Variants in C11orf21 observed in about 807,000 individuals in gnomAD.
C11orf21 encodes chromosome 11 open reading frame 21, also known as uncharacterized protein C11orf21.
C11orf21 carries 19 observed loss-of-function variants against 15.2 expected under a neutral mutation model. The observed-to-expected ratio is 1.25, with a 90% CI of 0.87 to 1.84. The LOEUF (loss-of-function observed/expected upper bound fraction) is 1.84, where lower values mean the gene tolerates loss of function less well. Among genes scored for constraint, C11orf21 ranks in the 40% most tolerant of loss-of-function variants. C11orf21 has a pLI of 0.00. For missense variants in C11orf21, 171 were observed against 174.4 expected (o/e 0.98, Z 0.11); for synonymous variants, 62 against 66.8 (o/e 0.93, Z 0.35).
At chr11:2,303,086 G>A (rs569108266), upstream of C11orf21, 4 of 787,442 alleles carry the variant, frequency 5.1e-6, no homozygotes, top group African/African-American at 3.5e-5. Flanking sequence ...AGGTGGTCAG[G>A]GGCAGGGAGG....
intron 1 of C11orf21, 181 bp from the exon 2 acceptor site, chr11:2,300,794 G>A: frequency 6.5e-7 from 1 of 1,549,314 alleles, no homozygotes; most frequent in Non-Finnish European, 8.7e-7. Flanking sequence ...ACATAGCCAA[G>A]AGCAGCTCAT....
Position 2,297,150 on chromosome 11 carries a change from C to T in C11orf21, c.*800G>A, listed in dbSNP as rs549766187. ...GTAGGACACACAGCTCCCGAGACCCCTCACTGGGGACACAGGGGGGCCCTG... is the reference window on the plus strand; with the variant it reads ...GTAGGACACACAGCTCCCGAGACCCTTCACTGGGGACACAGGGGGGCCCTG... On this transcript the variant is annotated 3_prime_UTR_variant, in exon 4 of 4. Coordinates refer to ENST00000381153, the MANE Select transcript of C11orf21 (RefSeq NM_001329958.2). 1 of 152,498 alleles carries T rather than the reference C, an allele frequency of 6.6e-6. No individual in the cohort carries two copies. The highest frequency in any genetic ancestry group is 1.9e-4 in the East Asian group (1 of 5,190). 9.4% of individuals were successfully genotyped at this position (152,498 alleles called of 1,614,324 possible).
upstream of C11orf21, chr11:2,302,194 G>A (rs770167215): frequency 7.1e-7 from 1 of 1,412,394 alleles, no homozygotes; most frequent in Non-Finnish European, 9.3e-7. Context: ...GCCAGATGCT[G>A]GTCACCTGCT....
At chr11:2,300,712 G>A (rs764613658) in intron 1 of C11orf21, 99 bp from the exon 2 acceptor site, 1 of 1,550,898 alleles carries the variant, frequency 6.4e-7, no homozygotes, top group Non-Finnish European at 8.7e-7. Flanking sequence ...AGAAGCGGGT[G>A]GTGCTCCAGG....
chr11:2,296,188 G>C lies in C11orf21; in HGVS notation c.*1762C>G, dbSNP rs1282796558. 2 of 152,232 alleles carry C rather than the reference G, an allele frequency of 1.3e-5. No homozygotes were observed. The highest frequency in any genetic ancestry group is 1.3e-4 in the Admixed American group (2 of 15,276). 9.4% of individuals were successfully genotyped at this position (152,232 alleles called of 1,614,324 possible). ...CCTTTGCAGTCCCTCCAGGGCTGCAGGTTGCTTTTGACTGACAATTTTCCT... is the reference window on the plus strand; with the variant it reads ...CCTTTGCAGTCCCTCCAGGGCTGCACGTTGCTTTTGACTGACAATTTTCCT... On this transcript the variant is annotated 3_prime_UTR_variant, in exon 4 of 4. Transcript: ENST00000381153. This position sits in a 1 kb window ranked among gnomAD's most constrained non-coding sequence, Gnocchi z 5.6.
At position 2,300,566 on chromosome 11, in the gene C11orf21, G is replaced by T. The variant is rs1847691354; in HGVS notation, c.101C>A (p.Pro34His). ...GGGGGTTCCCGTCCACCTGTCAGGG[G>T]GTTCGACGCCACTTTGAGATGACAA... ...PHLSSQSGVEPPDRWTGTPGW... is the reference protein window; with the variant it reads ...PHLSSQSGVEHPDRWTGTPGW... Residue 34 changes from proline (P) to histidine (H), a missense_variant, in exon 2 of 4, where the codon CCC becomes CAC. Coordinates refer to ENST00000381153, the MANE Select transcript of C11orf21 (RefSeq NM_001329958.2). 1 of 1,549,936 alleles carries T rather than the reference G, an allele frequency of 6.5e-7. No homozygotes were observed. Among genetic ancestry groups the T allele is most frequent in the Non-Finnish European group, 8.7e-7 (1 of 1,146,662 alleles).
At chr11:2,299,858 A>G (rs1218452276) in intron 2 of C11orf21, among the ~76,000 whole-genome samples, 151 bp from the exon 3 acceptor site, 1 of 122,340 alleles carries the variant, frequency 8.2e-6, no homozygotes, top group East Asian at 2.4e-4. Flanking sequence ...CTGCACACGC[A>G]TCCATGCCTG....
chr11:2,302,617 T>C (rs1847821116), upstream of C11orf21: 3 of 575,318 alleles, frequency 5.2e-6, no homozygotes, highest in Non-Finnish European at 9.3e-6. Context: ...GAAGCTGGGC[T>C]GTGCGTGTAT....
intron 1 of C11orf21, 94 bp from the exon 2 acceptor site, chr11:2,300,707 C>T (rs746711366): frequency 1.3e-4 from 195 of 1,550,726 alleles, no homozygotes; most frequent in Non-Finnish European, 1.5e-4. Flanking sequence ...GTCCCAGAAG[C>T]GGGTGGTGCT....
intron 3 of C11orf21, among the ~76,000 whole-genome samples, chr11:2,298,259 G>C (rs1028577817): frequency 6.6e-6 from 1 of 152,252 alleles, no homozygotes; most frequent in Non-Finnish European, 1.5e-5. Context: ...GCCTGGCAAT[G>C]GGCCTGGGCC....
At chr11:2,298,073 C>G (rs4929975) in intron 3 of C11orf21, among the ~76,000 whole-genome samples, 152 bp from the exon 4 acceptor site, 26,756 of 152,140 alleles carry the variant, frequency 0.18, 2,578 homozygotes, top group African/African-American at 0.26. Flanking sequence ...TATCTCATTG[C>G]GGGGCAGGGC....
At chr11:2,302,769 C>A, upstream of C11orf21, 1 of 1,269,118 alleles carries the variant, frequency 7.9e-7, no homozygotes, top group Non-Finnish European at 1.1e-6. Context: ...GAGCCCCAAC[C>A]CTGCCCGCTG....
In C11orf21 at chr11:2,301,824, A is replaced by T. The variant is rs1019075953; in HGVS notation, c.-16T>A. 3.2e-6 allele frequency: 5 copies of T among 1,550,398 alleles called. No homozygotes were observed. The African/African-American group carries it at 6.9e-5, about 21-fold the overall frequency. ...TCCTGCCCATGACTTTCCCCCTCTC[A>T]GCGCCGTCCTCAGTGGCCACACCAA... On this transcript the variant is annotated 5_prime_UTR_variant, in exon 1 of 4. Coordinates refer to ENST00000381153, the MANE Select transcript of C11orf21 (RefSeq NM_001329958.2).
At chr11:2,302,281 C>T, upstream of C11orf21, 1 of 1,328,010 alleles carries the variant, frequency 7.5e-7, no homozygotes, top group Non-Finnish European at 9.8e-7. Context: ...GGTGGCAGGG[C>T]CTCAGCACAG....
At chr11:2,299,731 G>A (rs1439208193) in intron 2 of C11orf21, 24 bp from the exon 3 acceptor site, 8 of 1,548,654 alleles carry the variant, frequency 5.2e-6, no homozygotes, top group Non-Finnish European at 5.2e-6. Context: ...ACATTGTAGA[G>A]TGAGCGGGCG....
At chr11:2,302,017 C>A, upstream of C11orf21, 2 of 1,492,850 alleles carry the variant, frequency 1.3e-6, no homozygotes, top group African/African-American at 2.8e-5. Flanking sequence ...GGTCCTAGGG[C>A]GATGTTGACA....
chr11:2,302,156 C>A (rs149680436), upstream of C11orf21: 15 of 1,445,892 alleles, frequency 1.0e-5, no homozygotes, highest in African/African-American at 1.4e-4. Context: ...CGTCATGGGG[C>A]CTTGGAGTCG....
At chr11:2,301,940 T>TG (rs1187552997), upstream of C11orf21, 5 of 1,510,268 alleles carry the variant, frequency 3.3e-6, no homozygotes, top group Non-Finnish European at 4.4e-6. Context: ...GGTGAGGTGG[T>TG]GGGGGGAGCC....
intron 1 of C11orf21, 47 bp downstream of exon 1, chr11:2,301,706 GCCC>G: frequency 7.0e-7 from 1 of 1,437,682 alleles, no homozygotes; most frequent in Non-Finnish European, 9.4e-7. Context: ...CAAGGATTAC[GCCC>G]CCAAGGCCCA....
Sources: gnomAD v4.1 joint callset for allele counts (sites outside exome capture counted in the v4.1 genomes callset) on GRCh38, gnomAD v4.1.1 for gene constraint, Gnocchi (gnomAD v3.1) non-coding constraint, MANE v1.5 for transcripts, NCBI Gene and HGNC (gene_info 2026-07-23, HGNC 2026-07-21) for gene names.